SULT4A1: variants seen among roughly 807,000 people sequenced by gnomAD.
SULT4A1 encodes sulfotransferase 4A1.
In SULT4A1, 11 loss-of-function variants were observed where a neutral mutation model predicts 35.2. The ratio of observed to expected loss-of-function variants is 0.31; its 90% confidence interval spans 0.20 to 0.52. SULT4A1 has a LOEUF of 0.52. Ranked by LOEUF, SULT4A1 falls within the 20% of genes least tolerant of loss-of-function variation. The pLI, the probability that SULT4A1 is intolerant of heterozygous loss-of-function variation, is 0.97. For synonymous variants in SULT4A1, 152 were observed against 151.8 expected (o/e 1.00, Z -0.01); for missense variants, 271 against 383.7 (o/e 0.71, Z 2.45).
In SULT4A1 at chr22:43,862,427, C is replaced by G. The variant is rs760143783; in HGVS notation, c.-45G>C. 6.4e-6 allele frequency: 6 copies of G among 934,250 alleles called. No homozygotes were observed. The highest frequency in any genetic ancestry group is 7.4e-6 in the Non-Finnish European group (6 of 806,706). The allele number at this position is 934,250 out of a possible 1,614,324, so 57.9% of individuals were successfully genotyped here. ...CCGCCGCCGCCTCCCGGCTCGCAGC[C>G]CGCACGCGCCCGCGCCCGCGCCCGC... On this transcript the variant is annotated 5_prime_UTR_variant, in exon 1 of 7. Coordinates refer to ENST00000330884, the MANE Select transcript of SULT4A1 (RefSeq NM_014351.4).
chr22:43,860,346 C>T (rs1427280970), intron 1 of SULT4A1, among the ~76,000 whole-genome samples: 1 of 152,212 alleles, frequency 6.6e-6, no homozygotes, highest in Non-Finnish European at 1.5e-5. Context: ...TCCCCAGCCC[C>T]TAGCAAAGCA....
At chr22:43,853,995 A>C (rs2049373680) in intron 1 of SULT4A1, among the ~76,000 whole-genome samples, 1 of 152,228 alleles carries the variant, frequency 6.6e-6, no homozygotes, top group Non-Finnish European at 1.5e-5. Context: ...TAGTTGTAAG[A>C]AGCTTTGGGG....
chr22:43,834,262 C>T (rs1299095192), intron 4 of SULT4A1, among the ~76,000 whole-genome samples: 2 of 151,908 alleles, frequency 1.3e-5, no homozygotes, highest in African/African-American at 2.4e-5. Flanking sequence ...TCCAAGAGGC[C>T]GGCACTCCCG....
chr22:43,828,628 C>G (rs1206464222), intron 6 of SULT4A1, among the ~76,000 whole-genome samples: 2 of 152,244 alleles, frequency 1.3e-5, no homozygotes, highest in Non-Finnish European at 2.9e-5. Flanking sequence ...TTCCCGCCCA[C>G]TTCATTTAAC....
At position 43,838,864 on chromosome 22, in the gene SULT4A1, C is replaced by G; in HGVS notation, c.508+3G>C. 1 of 1,613,980 alleles carries G rather than the reference C, an allele frequency of 6.2e-7. No individual in the cohort carries two copies. The highest frequency in any genetic ancestry group is 8.5e-7 in the Non-Finnish European group (1 of 1,179,912). ...TAACATGCCGCCAGGCTGCAACACT[C>G]ACGCTTATCATTCATAAACCTCCGG... On this transcript the variant is annotated splice_donor_region_variant and intron_variant, in intron 4 of 6. Transcript: ENST00000330884.
chr22:43,855,567 C>T (rs536628167), intron 1 of SULT4A1, among the ~76,000 whole-genome samples: 58 of 152,278 alleles, frequency 3.8e-4, no homozygotes, highest in African/African-American at 1.0e-3. Flanking sequence ...CCAAAGCATG[C>T]TTTAGGGAGG....
At chr22:43,848,119 G>A (rs2285160) in intron 1 of SULT4A1, among the ~76,000 whole-genome samples, 34,758 of 151,868 alleles carry the variant, frequency 0.23, 4,660 homozygotes, top group East Asian at 0.46. Context: ...CTCAGCAGAG[G>A]GCTCACTATG....
intron 4 of SULT4A1, among the ~76,000 whole-genome samples, chr22:43,837,560 G>C (rs143697901): frequency 6.6e-6 from 1 of 152,288 alleles, no homozygotes; most frequent in East Asian, 1.9e-4. Flanking sequence ...CAGGCTCAGG[G>C]GGCTTCAGGG....
At chr22:43,827,337 T>C in intron 6 of SULT4A1, 1 of 985,442 alleles carries the variant, frequency 1.0e-6, no homozygotes, top group Admixed American at 6.1e-5. Flanking sequence ...ACACGGACTT[T>C]CTCTTTGGTA....
rs747902286 is a variant in SULT4A1, at chr22:43,862,415, C to T, written c.-33G>A. On this transcript the variant is annotated 5_prime_UTR_variant, in exon 1 of 7. Transcript: ENST00000330884. ...CCGTCGCCGTCGCCGCCGCCGCCTCCCGGCTCGCAGCCCGCACGCGCCCGC... is the reference window on the plus strand; with the variant it reads ...CCGTCGCCGTCGCCGCCGCCGCCTCTCGGCTCGCAGCCCGCACGCGCCCGC... 9.7e-6 allele frequency: 11 copies of T among 1,129,358 alleles called. No homozygotes were observed. In the South Asian group the frequency reaches 3.3e-4, roughly 34 times the overall value. The allele number at this position is 1,129,358 out of a possible 1,614,324, so 70.0% of individuals were successfully genotyped here.
rs2049487468 is a variant in SULT4A1, at chr22:43,862,485, G to A, written c.-103C>T. 3.1e-6 allele frequency: 3 copies of A among 952,522 alleles called. No individual in the cohort carries two copies. The highest frequency in any genetic ancestry group is 3.7e-6 in the Non-Finnish European group (3 of 804,536). 59.0% of individuals were successfully genotyped at this position (952,522 alleles called of 1,614,324 possible). On this transcript the variant is annotated 5_prime_UTR_variant, in exon 1 of 7. Coordinates refer to ENST00000330884, the MANE Select transcript of SULT4A1 (RefSeq NM_014351.4). Reference sequence around the variant, plus strand: ...CCCCGCACACGCTCGCGCCCCACCGGCGCGCGGCGGCAGCTCCGCAGGCGT... The same window carrying A: ...CCCCGCACACGCTCGCGCCCCACCGACGCGCGGCGGCAGCTCCGCAGGCGT...
intron 5 of SULT4A1, among the ~76,000 whole-genome samples, chr22:43,831,503 G>C (rs965708154): frequency 6.6e-6 from 1 of 152,164 alleles, no homozygotes; most frequent in Non-Finnish European, 1.5e-5. Flanking sequence ...CGTCCACCAA[G>C]ACTCCAGAAC....
intron 1 of SULT4A1, among the ~76,000 whole-genome samples, chr22:43,842,153 G>A (rs1315257303): frequency 6.6e-6 from 1 of 152,196 alleles, no homozygotes; most frequent in Non-Finnish European, 1.5e-5. Flanking sequence ...GGGCCAGGAT[G>A]CTTCACAGGG....
At chr22:43,854,713 C>T (rs2049382595) in intron 1 of SULT4A1, among the ~76,000 whole-genome samples, 1 of 152,194 alleles carries the variant, frequency 6.6e-6, no homozygotes. Flanking sequence ...GCACCTGCCC[C>T]CCACACGCCA....
intron 4 of SULT4A1, among the ~76,000 whole-genome samples, chr22:43,837,785 GCC>G (rs1265326271): frequency 1.3e-5 from 2 of 152,214 alleles, no homozygotes; most frequent in Admixed American, 6.5e-5. Flanking sequence ...TAGGTCCACT[GCC>G]CTAAGTTCCA....
At chr22:43,846,247 C>G (rs1012934185) in intron 1 of SULT4A1, among the ~76,000 whole-genome samples, 9 of 152,228 alleles carry the variant, frequency 5.9e-5, no homozygotes, top group Non-Finnish European at 7.3e-5. Flanking sequence ...GCTCAGATGC[C>G]GCTCAGTCAG....
At chr22:43,856,986 A>G (rs1026760628) in intron 1 of SULT4A1, among the ~76,000 whole-genome samples, 10 of 152,226 alleles carry the variant, frequency 6.6e-5, no homozygotes, top group African/African-American at 2.2e-4. Context: ...AGCAATCAAC[A>G]GAATTAGACT....
At chr22:43,842,496 GA>G (rs910452980) in intron 1 of SULT4A1, among the ~76,000 whole-genome samples, 2 of 152,246 alleles carry the variant, frequency 1.3e-5, no homozygotes. Context: ...ATCAGCAATA[GA>G]ATGAGTAAGT....
chr22:43,825,805 G>A lies in SULT4A1; in HGVS notation c.*196C>T. 2 of 572,592 alleles carry A rather than the reference G, an allele frequency of 3.5e-6. No individual in the cohort carries two copies. The highest frequency in any genetic ancestry group is 4.1e-5 in the South Asian group (2 of 48,628). 35.5% of individuals were successfully genotyped at this position (572,592 alleles called of 1,614,324 possible). On this transcript the variant is annotated 3_prime_UTR_variant, in exon 7 of 7. Coordinates refer to ENST00000330884, the MANE Select transcript of SULT4A1 (RefSeq NM_014351.4). ...GTTTGTAATCAGACATGGAGAGGCT[G>A]CACGTTCTAAAGGCGAGACAGCTGC... is the stretch of plus-strand genomic sequence containing the variant.
Sources: gnomAD v4.1 joint callset for allele counts (sites outside exome capture counted in the v4.1 genomes callset) on GRCh38, gnomAD v4.1.1 for gene constraint, MANE v1.5 for transcripts, NCBI Gene and HGNC (gene_info 2026-07-23, HGNC 2026-07-21) for gene names.